The following SFMBT1 variants were observed in gnomAD, a reference collection of about 807,000 sequenced individuals.
The protein encoded by SFMBT1 is scm-like with four MBT domains protein 1.
In SFMBT1, 32 loss-of-function variants were observed where a neutral mutation model predicts 108.7. That is an observed-to-expected ratio of 0.29 (90% CI 0.22 to 0.40). The LOEUF is 0.40. SFMBT1 is among the 10% of genes least tolerant of loss of function. The pLI is 1.00. For missense variants in SFMBT1, 816 were observed against 1,059.6 expected, an observed-to-expected ratio of 0.77 and a Z score of 3.19; for synonymous variants, 348 against 369.5, an observed-to-expected ratio of 0.94 and a Z score of 0.67.
chr3:52,908,474 T>TA (rs898627208), intron 17 of SFMBT1, among the ~76,000 whole-genome samples: 2 of 152,204 alleles, frequency 1.3e-5, no homozygotes, highest in African/African-American at 4.8e-5. Context: ...TGCTATTTGT[T>TA]AAAAAGAATT....
At chr3:52,926,242 G>A (rs1559512940) in intron 9 of SFMBT1, 129 bp from the exon 10 acceptor site, 1 of 586,606 alleles carries the variant, frequency 1.7e-6, no homozygotes. Flanking sequence ...CATTTTAGAG[G>A]GGCGAAAAGC....
intron 8 of SFMBT1, chr3:52,928,637 C>CATATATAT (rs149816705): frequency 1.3e-5 from 1 of 78,452 alleles, no homozygotes; most frequent in African/African-American, 5.1e-5. Context: ...CATATATATA[C>CATATATAT]ATATATATAT....
intron 17 of SFMBT1, among the ~76,000 whole-genome samples, chr3:52,910,235 G>A (rs1702183465): frequency 6.6e-6 from 1 of 152,042 alleles, no homozygotes; most frequent in Non-Finnish European, 1.5e-5. Context: ...CACATTAAAG[G>A]TAAACTCACT....
At chr3:52,966,408 A>G (rs1404672625) in intron 2 of SFMBT1, among the ~76,000 whole-genome samples, 2 of 148,892 alleles carry the variant, frequency 1.3e-5, no homozygotes, top group Admixed American at 6.7e-5. Context: ...GGTGGATCAC[A>G]GGGTCAGGAG....
rs911657430 is a variant in SFMBT1, at chr3:52,949,808, A to G, written c.123+4509T>C. Among the ~76,000 whole-genome samples, 3 of 151,750 alleles carry G rather than the reference A, an allele frequency of 2.0e-5. No individual in the cohort carries two copies. The South Asian group carries it at 6.3e-4, about 32-fold the overall frequency. ...TGGTCAGACTGGTCTTGAACTCCCG[A>G]CCTCAAATGATGCACTCATCTCGGC... On this transcript the variant is annotated intron_variant, in intron 3 of 20. Coordinates refer to ENST00000394752, the MANE Select transcript of SFMBT1 (RefSeq NM_016329.4).
intron 1 of SFMBT1, among the ~76,000 whole-genome samples, chr3:53,041,003 T>TTTTG (rs1700032963): frequency 1.0e-5 from 1 of 97,994 alleles, no homozygotes; most frequent in African/African-American, 4.1e-5. Context: ...TTTTTTTTTT[T>TTTTG]GTAGAGACAG....
At chr3:53,018,066 A>G (rs1478294887) in intron 1 of SFMBT1, 2 of 152,164 alleles carry the variant, frequency 1.3e-5, no homozygotes, top group African/African-American at 2.4e-5. Flanking sequence ...CCCTGACTCT[A>G]CTAAAAATAC....
intron 1 of SFMBT1, among the ~76,000 whole-genome samples, chr3:53,027,809 A>G (rs1699546544): frequency 3.9e-5 from 6 of 152,232 alleles, no homozygotes; most frequent in Admixed American, 3.9e-4. Context: ...AAATTAAAAC[A>G]TGCCTTTAAG....
chr3:52,993,853 G>GT (rs1206883175), intron 1 of SFMBT1, among the ~76,000 whole-genome samples: 5 of 150,262 alleles, frequency 3.3e-5, no homozygotes, highest in African/African-American at 1.2e-4. Context: ...ATAAAACAGT[G>GT]TAAGAGACAG....
chr3:52,973,105 G>A (rs1704405630), intron 1 of SFMBT1, among the ~76,000 whole-genome samples: 2 of 152,096 alleles, frequency 1.3e-5, no homozygotes, highest in Admixed American at 6.6e-5. Flanking sequence ...TAGTCCCAGT[G>A]CTTTGGAAGC....
intron 1 of SFMBT1, among the ~76,000 whole-genome samples, chr3:52,986,908 C>A (rs897236647): frequency 1.6e-4 from 24 of 152,062 alleles, no homozygotes; most frequent in African/African-American, 5.6e-4. Context: ...CCACTGCTCT[C>A]CAGTCTGGGC....
At chr3:52,963,343 A>C (rs983349859) in intron 2 of SFMBT1, among the ~76,000 whole-genome samples, 1 of 152,194 alleles carries the variant, frequency 6.6e-6, no homozygotes, top group Non-Finnish European at 1.5e-5. Flanking sequence ...AGAAACAATT[A>C]AATTGAAATT....
chr3:52,907,719 T>C lies in SFMBT1; in HGVS notation c.1921A>G (p.Lys641Glu), dbSNP rs1702107189. ...TKTKYTHYYG[K>E]KKNKRIGRPP... ...CTCCCAATTCTTTTATTTTTCTTCT[T>C]TCCGTAATAGTGTGCTAAATGTGGA... The change falls in exon 18 of 21, where the codon AAG becomes GAG. Residue 641 changes from lysine (K) to glutamate (E), a missense_variant. By Grantham distance (56) the Lys-to-Glu change is moderately conservative. Coordinates refer to ENST00000394752, the MANE Select transcript of SFMBT1 (RefSeq NM_016329.4). The C allele has an allele frequency of 1.2e-6, 2 of 1,610,108 alleles. No homozygotes were observed. The highest frequency in any genetic ancestry group is 1.7e-6 in the Non-Finnish European group (2 of 1,179,092).
At chr3:52,914,509 G>C (rs138473847) in intron 14 of SFMBT1, among the ~76,000 whole-genome samples, 1 of 152,018 alleles carries the variant, frequency 6.6e-6, no homozygotes, top group Non-Finnish European at 1.5e-5. Context: ...GGAGCACATC[G>C]CTTGAGTCCA....
chr3:53,025,723 G>A (rs755394108), intron 1 of SFMBT1, among the ~76,000 whole-genome samples: 5 of 152,070 alleles, frequency 3.3e-5, no homozygotes, highest in Non-Finnish European at 7.4e-5. Flanking sequence ...CTTCATCTTT[G>A]CCTTGGTAAC....
chr3:52,960,865 G>A (rs1025723247), intron 2 of SFMBT1, among the ~76,000 whole-genome samples: 1 of 152,326 alleles, frequency 6.6e-6, no homozygotes, highest in East Asian at 1.9e-4. Context: ...GGCCGGGTGC[G>A]GTGGCTCATG....
Position 52,986,113 on chromosome 3 carries a change from A to C in SFMBT1, c.-130-16855T>G, listed in dbSNP as rs182377113. Among the ~76,000 whole-genome samples, 48 of 150,230 alleles carry C rather than the reference A, an allele frequency of 3.2e-4. No homozygotes were observed. The East Asian group carries it at 5.2e-3, about 16-fold the overall frequency. On this transcript the variant is annotated intron_variant, in intron 1 of 20. Transcript: ENST00000394752. Reference sequence around the variant, plus strand: ...AGCTGAGATCATGCCACTACACTTCAGCCTGGGAGACAGAGTGAGACTCCG... The same window carrying C: ...AGCTGAGATCATGCCACTACACTTCCGCCTGGGAGACAGAGTGAGACTCCG...
chr3:52,979,535 C>G (rs933983075), intron 1 of SFMBT1, among the ~76,000 whole-genome samples: 1 of 152,124 alleles, frequency 6.6e-6, no homozygotes, highest in Non-Finnish European at 1.5e-5. Context: ...AAAAGTGGTA[C>G]GTCCCTTCCA....
rs5848970 is a variant in SFMBT1 at position 52,968,600 on chromosome 3, C to CTT, written c.28+499_28+500dup. On this transcript the variant is annotated intron_variant, in intron 2 of 20. Coordinates refer to ENST00000394752, the MANE Select transcript of SFMBT1 (RefSeq NM_016329.4). The stretch of plus-strand genomic sequence containing the variant: ...AAAAGAAGTCTGTTCAAAACAGTTT[C>CTT]TTTTTTTTTTTTTTTTTGAGAAGGA... Among the ~76,000 whole-genome samples, 629 of 127,614 alleles carry CTT rather than the reference C, an allele frequency of 4.9e-3. 6 individuals are homozygous for CTT. Among genetic ancestry groups the CTT allele is most frequent in the South Asian group, 8.9e-3 (36 of 4,040 alleles). The allele number at this position is 127,614 out of a possible 152,430, so 83.7% of individuals were successfully genotyped here. A position where few individuals can be genotyped will look rare whatever the true frequency, so the allele number is the denominator to read the frequency against.
Sources: allele counts gnomAD v4.1 joint callset (sites outside exome capture counted in the v4.1 genomes callset), GRCh38; gene constraint gnomAD v4.1.1; transcripts MANE v1.5; gene names NCBI Gene and HGNC (gene_info 2026-07-23, HGNC 2026-07-21).